SSH2: variants seen among roughly 807,000 people sequenced by gnomAD.
SSH2 encodes the protein slingshot protein phosphatase 2, also known as protein phosphatase Slingshot homolog 2.
A neutral mutation model predicts 135.2 loss-of-function variants in SSH2; 37 were observed. The ratio of observed to expected loss-of-function variants is 0.27; its 90% CI spans 0.21 to 0.36. The LOEUF (loss-of-function observed/expected upper bound fraction) is 0.36, where lower values mean the gene tolerates loss of function less well. SSH2 is among the 10% of genes least tolerant of loss of function. The pLI, the probability that SSH2 is intolerant of heterozygous loss-of-function variation, is 1.00. For synonymous variants in SSH2, 628 were observed against 646.2 expected (o/e 0.97, Z 0.43); for missense variants, 1,408 against 1,765.3 (o/e 0.80, Z 3.63).
At chr17:29,880,772 G>C (rs1435132879) in intron 1 of SSH2, among the ~76,000 whole-genome samples, 1 of 152,112 alleles carries the variant, frequency 6.6e-6, no homozygotes, top group Non-Finnish European at 1.5e-5. Context: ...TTCTCCCTGA[G>C]AACACTACCT....
intron 3 of SSH2, among the ~76,000 whole-genome samples, chr17:29,726,123 C>T (rs1349437508): frequency 6.6e-6 from 1 of 152,156 alleles, no homozygotes; most frequent in Non-Finnish European, 1.5e-5. Context: ...AACACACTAA[C>T]CGCCCTCTCC....
intron 13 of SSH2, among the ~76,000 whole-genome samples, chr17:29,649,547 C>T (rs1179289162): frequency 2.0e-5 from 3 of 151,906 alleles, no homozygotes; most frequent in South Asian, 2.1e-4. Context: ...CCACTGTGAC[C>T]GGCTAATTAA....
At chr17:29,725,822 G>A (rs1278288587) in intron 3 of SSH2, among the ~76,000 whole-genome samples, 1 of 152,120 alleles carries the variant, frequency 6.6e-6, no homozygotes, top group African/African-American at 2.4e-5. Context: ...CCTAGATGAT[G>A]GGTTGATAGG....
chr17:29,782,819 C>T (rs187797981), intron 3 of SSH2, among the ~76,000 whole-genome samples: 10 of 152,330 alleles, frequency 6.6e-5, no homozygotes, highest in African/African-American at 2.2e-4. Context: ...CTCCTGACCT[C>T]AGGTGATCTG....
At chr17:29,665,180 T>C (rs1024813407) in intron 11 of SSH2, among the ~76,000 whole-genome samples, 18 of 152,180 alleles carry the variant, frequency 1.2e-4, no homozygotes, top group African/African-American at 4.3e-4. Context: ...GCAGGATATA[T>C]CTGAATCCTT....
At chr17:29,674,044 A>G in intron 8 of SSH2, 1 of 456,642 alleles carries the variant, frequency 2.2e-6, no homozygotes, top group Non-Finnish European at 4.4e-6. Context: ...TTACTAGGAC[A>G]AAGATCATGC....
At chr17:29,727,042 C>T (rs1285936992) in intron 3 of SSH2, among the ~76,000 whole-genome samples, 1 of 152,208 alleles carries the variant, frequency 6.6e-6, no homozygotes, top group Non-Finnish European at 1.5e-5. Flanking sequence ...ATGTCTATAT[C>T]ATTTCCTGCC....
At chr17:29,855,360 C>G (rs536192560) in intron 1 of SSH2, among the ~76,000 whole-genome samples, 1 of 152,260 alleles carries the variant, frequency 6.6e-6, no homozygotes, top group African/African-American at 2.4e-5. Context: ...AAAAAATTAG[C>G]TGGGCGTGGT....
At chr17:29,736,023 G>C (rs1309135584) in intron 3 of SSH2, among the ~76,000 whole-genome samples, 1 of 151,952 alleles carries the variant, frequency 6.6e-6, no homozygotes, top group East Asian at 1.9e-4. Flanking sequence ...CTTGAACCCA[G>C]GAGGCGGAGG....
intron 1 of SSH2, among the ~76,000 whole-genome samples, chr17:29,920,308 G>A (rs750512329): frequency 1.1e-4 from 16 of 152,236 alleles, no homozygotes; most frequent in Admixed American, 2.0e-4. Context: ...AAGCCGGATA[G>A]GAAAGATGAG....
intron 9 of SSH2, among the ~76,000 whole-genome samples, chr17:29,669,490 C>T (rs1047393934): frequency 6.6e-6 from 1 of 152,094 alleles, no homozygotes; most frequent in Non-Finnish European, 1.5e-5. Context: ...CTTTTCTAGT[C>T]AGTTTAGGGA....
chr17:29,697,585 A>G (rs2038809286), intron 4 of SSH2, among the ~76,000 whole-genome samples: 1 of 152,044 alleles, frequency 6.6e-6, no homozygotes, highest in Admixed American at 6.6e-5. Context: ...GAGGCTAGTG[A>G]GCTATGATCA....
chr17:29,722,059 G>A (rs1411862378), intron 3 of SSH2, among the ~76,000 whole-genome samples: 4 of 151,968 alleles, frequency 2.6e-5, no homozygotes, highest in African/African-American at 7.3e-5. Context: ...GGTGGATCAC[G>A]AGGTCAGGAG....
chr17:29,906,773 A>G (rs143761327), intron 1 of SSH2, among the ~76,000 whole-genome samples: 9,481 of 152,324 alleles, frequency 0.062, 558 homozygotes, highest in African/African-American at 0.16. Context: ...AAAGCTCAAC[A>G]TCACTGATCA....
chr17:29,737,454 C>G (rs1456697789), intron 3 of SSH2, among the ~76,000 whole-genome samples: 1 of 152,054 alleles, frequency 6.6e-6, no homozygotes, highest in Non-Finnish European at 1.5e-5. Context: ...TTTTTGTCCA[C>G]TAATGCATTC....
chr17:29,763,766 C>T (rs887187975), intron 3 of SSH2, among the ~76,000 whole-genome samples: 4 of 152,062 alleles, frequency 2.6e-5, no homozygotes, highest in African/African-American at 9.7e-5. Flanking sequence ...GTTCCTATAG[C>T]GACGCCCCAG....
intron 3 of SSH2, among the ~76,000 whole-genome samples, chr17:29,791,931 T>C (rs2042073228): frequency 6.6e-6 from 1 of 150,644 alleles, no homozygotes; most frequent in African/African-American, 2.4e-5. Flanking sequence ...TTTTTTTTTT[T>C]TTTTTTAGTA....
intron 12 of SSH2, 91 bp downstream of exon 12, chr17:29,655,470 G>A: frequency 1.7e-6 from 2 of 1,172,122 alleles, no homozygotes; most frequent in Non-Finnish European, 2.6e-6. Context: ...TAAGATTAAA[G>A]TTACCCACTG....
intron 3 of SSH2, among the ~76,000 whole-genome samples, chr17:29,763,634 C>A (rs1245230148): frequency 6.6e-6 from 1 of 152,022 alleles, no homozygotes; most frequent in Non-Finnish European, 1.5e-5. Flanking sequence ...GCATGGTAAT[C>A]ATCTGTATCT....
Sources: gnomAD v4.1 joint callset for allele counts (sites outside exome capture counted in the v4.1 genomes callset) on GRCh38, gnomAD v4.1.1 for gene constraint, MANE v1.5 for transcripts, NCBI Gene and HGNC (gene_info 2026-07-23, HGNC 2026-07-21) for gene names.